Variants in CFAP251 observed in about 807,000 individuals in gnomAD.
The protein encoded by CFAP251 is cilia- and flagella-associated protein 251.
In CFAP251, 93 loss-of-function variants were observed where a neutral mutation model predicts 126.7. That is an observed-to-expected ratio of 0.73 (90% CI 0.62 to 0.87). The LOEUF (loss-of-function observed/expected upper bound fraction) is 0.87, where lower values mean the gene tolerates loss of function less well. Among genes scored for constraint, CFAP251 ranks in the 40% least tolerant of loss-of-function variants. CFAP251 has a pLI of 0.00. For synonymous variants in CFAP251, 503 were observed against 506.9 expected, an observed-to-expected ratio of 0.99 and a Z score of 0.10; for missense variants, 1,287 against 1,389.2, an observed-to-expected ratio of 0.93 and a Z score of 1.17.
Position 121,999,914 on chromosome 12 carries a change from G to C in CFAP251, c.3205G>C (p.Glu1069Gln). ...NSKGKKAIRR[E>Q]DFLRLLVTKG... is the part of the protein sequence containing the mutation. ...CAAAGGGAAAAAGGCCATTCGAAGA[G>C]AGGACTTCCTGAGACTGCTCGTTAC... Residue 1069 changes from glutamate (E) to glutamine (Q), a missense_variant, in exon 20 of 22, where the codon GAG becomes CAG. Physicochemically the swap from Glu to Gln is conservative, Grantham distance 29. Coordinates refer to ENST00000288912, the MANE Select transcript of CFAP251 (RefSeq NM_144668.6). The C allele has an allele frequency of 6.2e-7, 1 of 1,613,978 alleles. No individual in the cohort carries two copies. Among genetic ancestry groups the C allele is most frequent in the Non-Finnish European group, 8.5e-7 (1 of 1,179,844 alleles).
At chr12:121,950,148 G>A (rs2135772766) in intron 8 of CFAP251, 1 of 152,328 alleles carries the variant, frequency 6.6e-6, no homozygotes, top group East Asian at 1.9e-4. Context: ...GTTATTGTAT[G>A]AAGTGCTGAT....
chr12:121,934,837 C>T lies in CFAP251; in HGVS notation c.998+481C>T, dbSNP rs552366637. On this transcript the variant is annotated intron_variant, in intron 5 of 21. Transcript: ENST00000288912. Reference sequence around the variant, plus strand: ...TTCTTTTATAGTACAGACAGGGTCTCGCTCCATTGCCCACGCTGGAGTGCG... The same window carrying T: ...TTCTTTTATAGTACAGACAGGGTCTTGCTCCATTGCCCACGCTGGAGTGCG... 4.6e-5 allele frequency among the ~76,000 whole-genome samples: 7 copies of T among 152,222 alleles called. No individual in the cohort carries two copies. The South Asian group carries it at 8.3e-4, about 18-fold the overall frequency.
At chr12:121,969,814 C>A in intron 17 of CFAP251, 14 of 985,348 alleles carry the variant, frequency 1.4e-5, no homozygotes, top group Non-Finnish European at 1.7e-5. Flanking sequence ...TCTTCTCAGT[C>A]GTCGTGGGAT....
Position 122,003,803 on chromosome 12 carries a change from G to A in CFAP251, c.*39G>A, listed in dbSNP as rs759431979. 21 of 1,498,522 alleles carry A rather than the reference G, an allele frequency of 1.4e-5. No homozygotes were observed. The East Asian group carries it at 4.2e-4, about 30-fold the overall frequency. The allele number at this position is 1,498,522 out of a possible 1,614,324, so 92.8% of individuals were successfully genotyped here. A position where few individuals can be genotyped will look rare whatever the true frequency, so the allele number is the denominator to read the frequency against. On this transcript the variant is annotated 3_prime_UTR_variant, in exon 22 of 22. Coordinates refer to ENST00000288912, the MANE Select transcript of CFAP251 (RefSeq NM_144668.6). The stretch of plus-strand genomic sequence containing the variant: ...GTTTAAAGCACAAAGGACTTTGGGT[G>A]TGTGTGCATGCACATGTGTGTGTTT...
intron 3 of CFAP251, among the ~76,000 whole-genome samples, chr12:121,928,672 ATATATATATATATATACG>A (rs1565902696): frequency 1.6e-4 from 3 of 19,312 alleles, no homozygotes; most frequent in African/African-American, 3.8e-4. Flanking sequence ...ATATATACGT[ATATATATATATATATACG>A]TATATATATA....
In CFAP251 at chr12:121,992,508, G is replaced by A. The variant is rs867484376; in HGVS notation, c.3007-7208G>A. 2.6e-5 allele frequency: 26 copies of A among 984,798 alleles called. No homozygotes were observed. In the South Asian group the frequency reaches 8.0e-4, roughly 30 times the overall value. The allele number at this position is 984,798 out of a possible 1,614,324, so 61.0% of individuals were successfully genotyped here. ...ATTCCTTTTGTCGTCTTAGTCTCCT[G>A]TTCTGAACTGAGTTAAATCATATAT... On this transcript the variant is annotated intron_variant, in intron 19 of 21. Transcript: ENST00000288912.
intron 7 of CFAP251, 118 bp from the exon 8 acceptor site, chr12:121,948,866 T>C: frequency 1.7e-6 from 1 of 591,656 alleles, no homozygotes; most frequent in Non-Finnish European, 2.9e-6. Flanking sequence ...TGCGGTATCT[T>C]TTCTGTTTTA....
In CFAP251 at chr12:121,954,158, C is replaced by T. The variant is rs61952863; in HGVS notation, c.1359C>T (p.Ile453=). ...TTGTGGGAAAGTTTAGCCAGTCCAT[C>T]TTTCACTTGAATTTAACACAAATAC... ...NKLVGKFSQS[I]FHLNLTQILS... is the part of the protein sequence containing the mutation. Residue 453 remains isoleucine, a synonymous_variant, in exon 10 of 22, where the codon ATC becomes ATT. Transcript: ENST00000288912. 1,852 of 1,614,156 alleles carry T rather than the reference C, an allele frequency of 1.1e-3. 7 individuals are homozygous for T. The highest frequency in any genetic ancestry group is 0.01 in the Middle Eastern group (62 of 6,062).
At position 122,001,137 on chromosome 12, in the gene CFAP251, A is replaced by T. The variant is rs575402836; in HGVS notation, c.3236-360A>T. Among the ~76,000 whole-genome samples, 112 of 149,358 alleles carry T rather than the reference A, an allele frequency of 7.5e-4. 1 individual carries two copies. The South Asian group carries it at 9.0e-3, about 12-fold the overall frequency. Reference sequence around the variant, plus strand: ...AGTGGCACGATCTCAGTTCACTGCAACCTCCAACTCCAGGGTTCAAGCAAT... The same window carrying T: ...AGTGGCACGATCTCAGTTCACTGCATCCTCCAACTCCAGGGTTCAAGCAAT... On this transcript the variant is annotated intron_variant, in intron 20 of 21. Coordinates refer to ENST00000288912, the MANE Select transcript of CFAP251 (RefSeq NM_144668.6).
rs543640671 is a variant in CFAP251, at chr12:121,956,463, T to G, written c.1536-611T>G. ...GTATAAGTATGTCCCATGCAATATA[T>G]GGGATGTACTTACACTAAATTTTTT... On this transcript the variant is annotated intron_variant, in intron 10 of 21. Transcript: ENST00000288912. Among the ~76,000 whole-genome samples the G allele has an allele frequency of 5.9e-5, 9 of 152,286 alleles. No individual in the cohort carries two copies. The South Asian group carries it at 1.9e-3, about 32-fold the overall frequency.
chr12:121,930,748 C>CTTT (rs72062810), intron 3 of CFAP251, among the ~76,000 whole-genome samples: 1 of 109,878 alleles, frequency 9.1e-6, no homozygotes. Flanking sequence ...AATTGCCTTT[C>CTTT]TTTTTTTTTT....
chr12:121,930,501 C>CA (rs755395319), intron 3 of CFAP251, among the ~76,000 whole-genome samples: 5 of 150,978 alleles, frequency 3.3e-5, no homozygotes, highest in Non-Finnish European at 4.4e-5. Flanking sequence ...CCAAAAAAAA[C>CA]AAAAAAAACC....
intron 3 of CFAP251, among the ~76,000 whole-genome samples, chr12:121,931,284 T>C (rs908215411): frequency 6.6e-6 from 1 of 152,206 alleles, no homozygotes; most frequent in Admixed American, 6.5e-5. Flanking sequence ...TTTAAATTTT[T>C]TTTTAAATTG....
chr12:121,992,528 A>C, intron 19 of CFAP251: 2 of 972,226 alleles, frequency 2.1e-6, no homozygotes, highest in Non-Finnish European at 2.4e-6. Context: ...GAGTTAAATC[A>C]TATATTACAT....
intron 15 of CFAP251, among the ~76,000 whole-genome samples, chr12:121,964,910 AT>A (rs1286208425): frequency 6.6e-6 from 1 of 151,812 alleles, no homozygotes; most frequent in African/African-American, 2.4e-5. Flanking sequence ...CTTAAAAAAA[AT>A]AAAATAAAAT....
intron 13 of CFAP251, 40 bp downstream of exon 13, chr12:121,959,134 AT>A (rs775796064): frequency 1.3e-6 from 2 of 1,537,460 alleles, no homozygotes; most frequent in African/African-American, 2.8e-5. Flanking sequence ...TGGCTTAGCA[AT>A]TTTATTTGAA....
intron 7 of CFAP251, among the ~76,000 whole-genome samples, chr12:121,944,986 T>G (rs1039249759): frequency 5.3e-5 from 8 of 152,202 alleles, no homozygotes; most frequent in African/African-American, 9.7e-5. Flanking sequence ...TTTTGCCATG[T>G]TGGTCAGGCT....
chr12:121,951,453 G>A (rs779544059), intron 8 of CFAP251, 27 bp from the exon 9 acceptor site: 2 of 1,485,596 alleles, frequency 1.3e-6, no homozygotes, highest in African/African-American at 2.7e-5. Flanking sequence ...GTCTTTTTGA[G>A]TAGTGATTAT....
In CFAP251 at chr12:121,974,344, A is replaced by G. The variant is rs531784358; in HGVS notation, c.2772-900A>G. ...GGGTATGTTTTTATCAGCAGCATGA[A>G]AACAGACTAGAATACCGTGTCTGCG... On this transcript the variant is annotated intron_variant, in intron 17 of 21. Transcript: ENST00000288912. This position sits in a 1 kb window ranked among gnomAD's most constrained non-coding sequence, Gnocchi z 4.6. 1.3e-5 allele frequency among the ~76,000 whole-genome samples: 2 copies of G among 152,296 alleles called. No homozygotes were observed. The highest frequency in any genetic ancestry group is 2.1e-4 in the South Asian group (1 of 4,826).
Sources: gnomAD v4.1 joint callset for allele counts (sites outside exome capture counted in the v4.1 genomes callset) on GRCh38, gnomAD v4.1.1 for gene constraint, Gnocchi (gnomAD v3.1) non-coding constraint, MANE v1.5 for transcripts, NCBI Gene and HGNC (gene_info 2026-07-23, HGNC 2026-07-21) for gene names.